Variants in PRIMA1 observed in about 807,000 individuals in gnomAD.
The protein encoded by PRIMA1 is proline-rich membrane anchor 1.
A neutral mutation model predicts 17.5 loss-of-function variants in PRIMA1; 7 were observed. That is an observed-to-expected ratio of 0.40 (90% confidence interval 0.23 to 0.75). The LOEUF (loss-of-function observed/expected upper bound fraction) is 0.75, where lower values mean the gene tolerates loss of function less well. PRIMA1 is among the 30% of genes least tolerant of loss of function. PRIMA1 has a pLI of 0.37. For synonymous variants in PRIMA1, 97 were observed against 77.9 expected, an observed-to-expected ratio of 1.25 and a Z score of -1.29; for missense variants, 200 against 201.8, an observed-to-expected ratio of 0.99 and a Z score of 0.05.
rs75767365 is a variant in PRIMA1, at chr14:93,721,302, G to A, written c.*142C>T. The stretch of plus-strand genomic sequence containing the variant: ...CCAGGGGCAAGCCTGGGAAGACAAT[G>A]GTTTCTCCTTCGGGAGGCTCAGGGC... On this transcript the variant is annotated 3_prime_UTR_variant, in exon 5 of 5. Coordinates refer to ENST00000393140, the MANE Select transcript of PRIMA1 (RefSeq NM_178013.4). 1.7e-6 allele frequency: 1 copy of A among 605,364 alleles called. No homozygotes were observed. The highest frequency in any genetic ancestry group is 3.1e-5 in the Admixed American group (1 of 32,714). 37.5% of individuals were successfully genotyped at this position (605,364 alleles called of 1,614,324 possible).
intron 3 of PRIMA1, among the ~76,000 whole-genome samples, chr14:93,760,288 C>A (rs895192515): frequency 6.6e-6 from 1 of 152,194 alleles, no homozygotes; most frequent in Non-Finnish European, 1.5e-5. Context: ...TGCTCAGAAA[C>A]CTTTAGATCT....
chr14:93,738,505 G>A (rs954133751), intron 3 of PRIMA1, among the ~76,000 whole-genome samples: 2 of 152,168 alleles, frequency 1.3e-5, no homozygotes, highest in African/African-American at 4.8e-5. Context: ...ATTAACTTTG[G>A]ACAGGTCTCC....
chr14:93,779,233 G>GGGGC lies in PRIMA1; in HGVS notation c.171_172insGCCC (p.Pro58AlafsTer30). The stretch of plus-strand genomic sequence containing the variant: ...GGTGGGGGCGGCGGGGGCAGCGGGG[G>GGGGC]AGGGGGCCGGCACTGGCAGACGTGT... On this transcript the variant is annotated frameshift_variant, in exon 3 of 5. Coordinates refer to ENST00000393140, the MANE Select transcript of PRIMA1 (RefSeq NM_178013.4). LOFTEE classifies it high-confidence loss of function. 3.7e-6 allele frequency: 4 copies of GGGGC among 1,094,104 alleles called. No homozygotes were observed. Among genetic ancestry groups the GGGGC allele is most frequent in the Non-Finnish European group, 5.2e-6 (4 of 775,646 alleles). 67.8% of individuals were successfully genotyped at this position (1,094,104 alleles called of 1,614,324 possible).
chr14:93,753,390 T>C (rs184122429), intron 3 of PRIMA1, among the ~76,000 whole-genome samples: 1 of 152,310 alleles, frequency 6.6e-6, no homozygotes, highest in African/African-American at 2.4e-5. Flanking sequence ...CCACCCACGG[T>C]CCAGTTCATT....
At chr14:93,738,011 A>T (rs560809464) in intron 3 of PRIMA1, among the ~76,000 whole-genome samples, 247 of 152,248 alleles carry the variant, frequency 1.6e-3, no homozygotes, top group Non-Finnish European at 1.5e-3. Context: ...GAGGACTGCC[A>T]ATGTCCGTTT....
chr14:93,736,150 A>T (rs1392201163), intron 4 of PRIMA1, among the ~76,000 whole-genome samples: 2 of 152,218 alleles, frequency 1.3e-5, no homozygotes, highest in Non-Finnish European at 2.9e-5. Context: ...GCAGGCAGGA[A>T]TACCGAGGTC....
chr14:93,787,536 C>A, intron 2 of PRIMA1, 90 bp downstream of exon 2: 5 of 1,517,508 alleles, frequency 3.3e-6, no homozygotes, highest in Non-Finnish European at 4.4e-6. Context: ...AGTGGGGTGG[C>A]TGCAAGAGGC....
chr14:93,759,131 G>A (rs1271449806), intron 3 of PRIMA1, among the ~76,000 whole-genome samples: 8 of 152,142 alleles, frequency 5.3e-5, no homozygotes, highest in Admixed American at 2.6e-4. Context: ...TCAACTCTCC[G>A]CAGGGCACGA....
At chr14:93,786,526 C>T (rs772555888) in intron 2 of PRIMA1, among the ~76,000 whole-genome samples, 11 of 152,100 alleles carry the variant, frequency 7.2e-5, no homozygotes, top group African/African-American at 2.7e-4. Context: ...TGGTCTTGCC[C>T]GCATCCCTTT....
At chr14:93,773,853 G>A (rs1188348098) in intron 3 of PRIMA1, among the ~76,000 whole-genome samples, 1 of 152,196 alleles carries the variant, frequency 6.6e-6, no homozygotes, top group African/African-American at 2.4e-5. Flanking sequence ...CAGCACTTTG[G>A]GAGGCTGAGG....
chr14:93,780,300 A>C (rs532253893), intron 2 of PRIMA1, among the ~76,000 whole-genome samples: 4 of 152,304 alleles, frequency 2.6e-5, no homozygotes, highest in African/African-American at 7.2e-5. Context: ...CTACATTTGG[A>C]TGTTACCTGG....
At chr14:93,759,286 C>G (rs1262540771) in intron 3 of PRIMA1, among the ~76,000 whole-genome samples, 1 of 152,136 alleles carries the variant, frequency 6.6e-6, no homozygotes, top group Non-Finnish European at 1.5e-5. Context: ...TCATCCCTGG[C>G]TCCTGCCCAG....
rs576330853 is a variant in PRIMA1, at chr14:93,760,158, C to T, written c.229+19018G>A. On this transcript the variant is annotated intron_variant, in intron 3 of 4. Transcript: ENST00000393140. ...AACAAAACAAGGCAACGTCTTGGCA[C>T]AATCTTTGAAATCAGTGGTTGCCAC... Among the ~76,000 whole-genome samples, 17 of 152,352 alleles carry T rather than the reference C, an allele frequency of 1.1e-4. No homozygotes were observed. In the East Asian group the frequency reaches 3.3e-3, roughly 29 times the overall value.
chr14:93,722,354 GTGGT>G (rs2076044854), intron 4 of PRIMA1, among the ~76,000 whole-genome samples: 3 of 20,860 alleles, frequency 1.4e-4, no homozygotes, highest in Non-Finnish European at 2.6e-4. Flanking sequence ...TGGGGTGATG[GTGGT>G]AGTGGTGATG....
In PRIMA1 at chr14:93,719,930, T is replaced by G. The variant is rs2076026448; in HGVS notation, c.*1514A>C. Reference sequence around the variant, plus strand: ...GACACACAGACAGCTCCGTGGGCACTAGGACTCTGGGACAATGGGCTTTTT... The same window carrying G: ...GACACACAGACAGCTCCGTGGGCACGAGGACTCTGGGACAATGGGCTTTTT... On this transcript the variant is annotated 3_prime_UTR_variant, in exon 5 of 5. Transcript: ENST00000393140. The G allele has an allele frequency of 6.6e-6, 1 of 152,258 alleles. No homozygotes were observed. Among genetic ancestry groups the G allele is most frequent in the Non-Finnish European group, 1.5e-5 (1 of 68,110 alleles). 9.4% of individuals were successfully genotyped at this position (152,258 alleles called of 1,614,324 possible). A position where few individuals can be genotyped will look rare whatever the true frequency, so the allele number is the denominator to read the frequency against.
At chr14:93,762,828 TCCCTGCA>T (rs1884773350) in intron 3 of PRIMA1, among the ~76,000 whole-genome samples, 1 of 152,180 alleles carries the variant, frequency 6.6e-6, no homozygotes, top group South Asian at 2.1e-4. Context: ...TTGTCTCCTG[TCCCTGCA>T]CCCAACTTCA....
At chr14:93,778,042 G>C (rs1295129428) in intron 3 of PRIMA1, among the ~76,000 whole-genome samples, 2 of 152,248 alleles carry the variant, frequency 1.3e-5, no homozygotes, top group Admixed American at 1.3e-4. Context: ...GAGCATCCCG[G>C]GATAGAAGGA....
intron 3 of PRIMA1, among the ~76,000 whole-genome samples, chr14:93,761,256 C>T (rs1024632212): frequency 3.3e-5 from 5 of 152,194 alleles, no homozygotes; most frequent in African/African-American, 1.2e-4. Flanking sequence ...GAGGCTGAGG[C>T]ATGAGAATCG....
intron 2 of PRIMA1, among the ~76,000 whole-genome samples, chr14:93,781,542 G>A (rs1885375807): frequency 6.6e-6 from 1 of 152,230 alleles, no homozygotes; most frequent in Admixed American, 6.5e-5. Flanking sequence ...AAGCACGTTT[G>A]TTTAACCTGG....
Sources: allele counts gnomAD v4.1 joint callset (sites outside exome capture counted in the v4.1 genomes callset), GRCh38; gene constraint gnomAD v4.1.1; transcripts MANE v1.5; gene names NCBI Gene and HGNC (gene_info 2026-07-23, HGNC 2026-07-21).